NUP133: variants seen among roughly 807,000 people sequenced by gnomAD.
The protein encoded by NUP133 is nuclear pore complex protein Nup133.
NUP133 carries 66 observed loss-of-function variants against 146.2 expected under a neutral mutation model. The observed-to-expected ratio is 0.45, with a 90% CI of 0.37 to 0.55. NUP133 has a LOEUF of 0.55. Ranked by LOEUF, NUP133 falls within the 20% of genes least tolerant of loss-of-function variation. NUP133 has a pLI of 0.00. For synonymous variants in NUP133, 521 were observed against 498.8 expected, an observed-to-expected ratio of 1.04 and a Z score of -0.59; for missense variants, 1,277 against 1,374.8, an observed-to-expected ratio of 0.93 and a Z score of 1.12.
intron 15 of NUP133, among the ~76,000 whole-genome samples, chr1:229,469,925 C>G (rs1337221955): frequency 6.6e-6 from 1 of 152,196 alleles, no homozygotes; most frequent in Non-Finnish European, 1.5e-5. Flanking sequence ...ACTTGGGAGG[C>G]TGAGGCAGGA....
At chr1:229,446,285 T>C (rs955151622) in intron 24 of NUP133, among the ~76,000 whole-genome samples, 1 of 152,116 alleles carries the variant, frequency 6.6e-6, no homozygotes, top group African/African-American at 2.4e-5. Flanking sequence ...GGCGCATGCC[T>C]GTAATCCCAG....
intron 18 of NUP133, 53 bp downstream of exon 18, chr1:229,464,570 AC>A: frequency 6.3e-7 from 1 of 1,584,506 alleles, no homozygotes; most frequent in African/African-American, 1.3e-5. Context: ...TAACTATTCA[AC>A]CCTTTCATCC....
chr1:229,468,324 G>A (rs1025617223), intron 15 of NUP133, among the ~76,000 whole-genome samples: 1 of 152,080 alleles, frequency 6.6e-6, no homozygotes, highest in Admixed American at 6.6e-5. Context: ...TGGAAGGACA[G>A]GTAAAAAGAA....
At chr1:229,469,888 TG>T (rs1660914749) in intron 15 of NUP133, among the ~76,000 whole-genome samples, 1 of 152,162 alleles carries the variant, frequency 6.6e-6, no homozygotes. Flanking sequence ...TAGCTGGGCA[TG>T]GTGGCACATG....
chr1:229,464,869 C>A lies in NUP133; in HGVS notation c.2306G>T (p.Ser769Ile). Residue 769 changes from serine (S) to isoleucine (I), a missense_variant, in exon 18 of 26, where the codon AGT (serine) becomes ATT (isoleucine). By Grantham distance (142) the Ser-to-Ile change is moderately radical. This residue lies in a region of NUP133 where 952 missense variants were observed against 1,047.0 expected (regional missense o/e 0.91). Transcript: ENST00000261396. ...EPEYVPWTAT[S>I]GPGGIRTVII... ...TACCGTTCGGATGCCACCAGGACCA[C>A]TTGTTGCTGTGAAATTACACAAAAT... is the stretch of plus-strand genomic sequence containing the variant. The A allele has an allele frequency of 6.2e-7, 1 of 1,613,718 alleles. No homozygotes were observed. The highest frequency in any genetic ancestry group is 8.5e-7 in the Non-Finnish European group (1 of 1,179,670).
chr1:229,476,374 T>A (rs1661075243), intron 13 of NUP133, among the ~76,000 whole-genome samples: 1 of 152,202 alleles, frequency 6.6e-6, no homozygotes, highest in African/African-American at 2.4e-5. Flanking sequence ...CTAATGGAGC[T>A]TAGTGAACTT....
At chr1:229,444,796 G>C (rs577937120) in intron 25 of NUP133, 118 bp downstream of exon 25, 3 of 657,262 alleles carry the variant, frequency 4.6e-6, no homozygotes, top group Non-Finnish European at 8.0e-6. Context: ...GCACTGAGCC[G>C]AGATCATACC....
Position 229,441,118 on chromosome 1 carries a change from T to C in NUP133, c.*786A>G. On this transcript the variant is annotated 3_prime_UTR_variant, in exon 26 of 26. Coordinates refer to ENST00000261396, the MANE Select transcript of NUP133 (RefSeq NM_018230.3). Reference sequence around the variant, plus strand: ...TCAATTGCCATATTAGGAAAACCTATAATGGTTTCTAGTATCATTCATGCT... The same window carrying C: ...TCAATTGCCATATTAGGAAAACCTACAATGGTTTCTAGTATCATTCATGCT... 1 of 287,514 alleles carries C rather than the reference T, an allele frequency of 3.5e-6. No homozygotes were observed. Among genetic ancestry groups the C allele is most frequent in the Non-Finnish European group, 6.9e-6 (1 of 144,900 alleles). 17.8% of individuals were successfully genotyped at this position (287,514 alleles called of 1,614,324 possible).
chr1:229,441,673 C>T lies in NUP133; in HGVS notation c.*231G>A, dbSNP rs1376612059. Reference sequence around the variant, plus strand: ...ACGTGAGAGTAAAAAGAAAGGGCACCGAGTACAGGAACAACAACTGACACA... The same window carrying T: ...ACGTGAGAGTAAAAAGAAAGGGCACTGAGTACAGGAACAACAACTGACACA... On this transcript the variant is annotated 3_prime_UTR_variant, in exon 26 of 26. Transcript: ENST00000261396. The T allele has an allele frequency of 4.8e-6, 2 of 414,810 alleles. No homozygotes were observed. The highest frequency in any genetic ancestry group is 8.8e-6 in the Non-Finnish European group (2 of 227,704). The allele number at this position is 414,810 out of a possible 1,614,324, so 25.7% of individuals were successfully genotyped here.
Position 229,464,774 on chromosome 1 carries a change from C to G in NUP133, c.2401G>C (p.Val801Leu). ...PQADSNLRNI[V>L]TEQLVALIDC... ...ATCAGGGCTACCAGCTGCTCGGTCA[C>G]GATGTTTCGGAGGTTGCTGTCTGCC... The change falls in exon 18 of 26, where the codon GTG becomes CTG. Residue 801 changes from valine (V) to leucine (L), a missense_variant. Around this residue, in one of 3 missense-constraint regions of NUP133, gnomAD observed 952 missense variants for 1,047.0 expected, o/e 0.91. Transcript: ENST00000261396. 1 of 1,614,204 alleles carries G rather than the reference C, an allele frequency of 6.2e-7. No homozygotes were observed. The highest frequency in any genetic ancestry group is 8.5e-7 in the Non-Finnish European group (1 of 1,180,046).
chr1:229,464,666 T>C lies in NUP133; in HGVS notation c.2509A>G (p.Met837Val). 6.2e-7 allele frequency: 1 copy of C among 1,614,128 alleles called. No individual in the cohort carries two copies. The highest frequency in any genetic ancestry group is 1.1e-5 in the South Asian group (1 of 91,078). The change falls in exon 18 of 26, where the codon ATG (methionine) becomes GTG (valine). Residue 837 changes from methionine to valine, a missense_variant. Met to Val is a conservative substitution (Grantham distance 21). This residue lies in a region of NUP133 where 952 missense variants were observed against 1,047.0 expected (regional missense o/e 0.91). Transcript: ENST00000261396. ...SNRERYDNLE[M>V]EYLQKRSDLL... ...TCTGATCTTTTCTGTAGGTATTCCA[T>C]CTCCAGATTGTCATATCTTTCCCGA...
intron 14 of NUP133, among the ~76,000 whole-genome samples, chr1:229,473,718 T>C (rs1172753363): frequency 6.6e-6 from 1 of 151,328 alleles, no homozygotes; most frequent in Non-Finnish European, 1.5e-5. Flanking sequence ...AGCTTAAGAG[T>C]TCGAAACTAG....
chr1:229,458,192 A>G lies in NUP133; in HGVS notation c.2949T>C (p.Phe983=), dbSNP rs1660611043. The G allele has an allele frequency of 6.2e-7, 1 of 1,613,356 alleles. No individual in the cohort carries two copies. The highest frequency in any genetic ancestry group is 1.7e-5 in the Admixed American group (1 of 59,860). ...TTTTTTCTTGTAGCATATCCTCTGA[A>G]AAGTCTGAAGCTAATGCAGCCAATT... is the stretch of plus-strand genomic sequence containing the variant. ...LSKLAALASD[F]SEDMLQEKIE... is the part of the protein sequence containing the mutation. The change falls in exon 21 of 26, where the codon TTT becomes TTC. Residue 983 remains phenylalanine, a synonymous_variant. Coordinates refer to ENST00000261396, the MANE Select transcript of NUP133 (RefSeq NM_018230.3).
In NUP133 at chr1:229,470,816, G is replaced by A; in HGVS notation, c.1852-12C>T. The A allele has an allele frequency of 6.2e-7, 1 of 1,610,040 alleles. No homozygotes were observed. On this transcript the variant is annotated splice_polypyrimidine_tract_variant and intron_variant, in intron 14 of 25. Coordinates refer to ENST00000261396, the MANE Select transcript of NUP133 (RefSeq NM_018230.3). ...CCAAATAAGCCAACCTTGCAAAAAG[G>A]CAAACACATATTCTCAGAAAGCAAT...
chr1:229,477,292 T>C (rs1661100531), intron 13 of NUP133, among the ~76,000 whole-genome samples: 1 of 151,736 alleles, frequency 6.6e-6, no homozygotes, highest in Non-Finnish European at 1.5e-5. Context: ...ACAAAAAAAT[T>C]AGCCAGCCAT....
At position 229,489,947 on chromosome 1, in the gene NUP133, A is replaced by C. The variant is rs760131096; in HGVS notation, c.1194+8T>G. The C allele has an allele frequency of 6.3e-7, 1 of 1,576,064 alleles. No individual in the cohort carries two copies. The highest frequency in any genetic ancestry group is 1.2e-5 in the South Asian group (1 of 85,456). On this transcript the variant is annotated splice_region_variant and intron_variant, in intron 9 of 25. Coordinates refer to ENST00000261396, the MANE Select transcript of NUP133 (RefSeq NM_018230.3). ...ATTGCTTTGTAATTTAACCAATATA[A>C]ATCTTACCTGAAAAGGTGGATTATA... is the stretch of plus-strand genomic sequence containing the variant.
At chr1:229,453,256 C>A (rs1053288387) in intron 21 of NUP133, among the ~76,000 whole-genome samples, 5 of 152,102 alleles carry the variant, frequency 3.3e-5, no homozygotes, top group Non-Finnish European at 7.4e-5. Context: ...CACAAATTTC[C>A]ATTTTTTAAA....
intron 14 of NUP133, among the ~76,000 whole-genome samples, chr1:229,472,062 G>T (rs961188785): frequency 1.2e-4 from 18 of 152,296 alleles, no homozygotes; most frequent in African/African-American, 3.4e-4. Flanking sequence ...GCTCATGCCT[G>T]TAATCCCAGC....
rs1660171689 is a variant in NUP133 at position 229,441,030 on chromosome 1, C to A, written c.*874G>T. The A allele has an allele frequency of 6.2e-6, 1 of 161,780 alleles. No homozygotes were observed. The highest frequency in any genetic ancestry group is 1.4e-5 in the Non-Finnish European group (1 of 73,814). The allele number at this position is 161,780 out of a possible 1,614,324, so 10.0% of individuals were successfully genotyped here. A position where few individuals can be genotyped will look rare whatever the true frequency, so the allele number is the denominator to read the frequency against. On this transcript the variant is annotated 3_prime_UTR_variant, in exon 26 of 26. Transcript: ENST00000261396. ...GGCCTTTATTTAAAACCCAGATAAA[C>A]ATTGAGTGAGTGATGACACTGGTCA...
Sources: gnomAD v4.1 joint callset for allele counts (sites outside exome capture counted in the v4.1 genomes callset) on GRCh38, gnomAD v4.1.1 for gene constraint, gnomAD v4.1.1 regional missense constraint, MANE v1.5 for transcripts, NCBI Gene and HGNC (gene_info 2026-07-23, HGNC 2026-07-21) for gene names.